Variants in ITGA2 observed in about 807,000 individuals in gnomAD.
The protein encoded by ITGA2 is integrin subunit alpha 2.
A neutral mutation model predicts 146.3 loss-of-function variants in ITGA2; 101 were observed. That is an observed-to-expected ratio of 0.69 (90% confidence interval 0.59 to 0.81). The LOEUF is 0.81. Among genes scored for constraint, ITGA2 ranks in the 40% least tolerant of loss-of-function variants. The pLI, the probability that ITGA2 is intolerant of heterozygous loss-of-function variation, is 0.00. For synonymous variants in ITGA2, 477 were observed against 487.1 expected (o/e 0.98, Z 0.27); for missense variants, 1,281 against 1,402.7 (o/e 0.91, Z 1.39).
At chr5:53,057,567 C>T (rs1258748215) in intron 9 of ITGA2, among the ~76,000 whole-genome samples, 1 of 151,992 alleles carries the variant, frequency 6.6e-6, no homozygotes, top group Non-Finnish European at 1.5e-5. Context: ...CACTACAGAT[C>T]AATTGCCCAG....
intron 21 of ITGA2, 64 bp from the exon 22 acceptor site, chr5:53,074,997 T>A: frequency 9.4e-7 from 1 of 1,065,512 alleles, no homozygotes; most frequent in Non-Finnish European, 1.4e-6. Flanking sequence ...GAAACATTTT[T>A]TTTTTCACGT....
At chr5:53,077,200 A>G (rs1310540320) in intron 23 of ITGA2, among the ~76,000 whole-genome samples, 1 of 152,090 alleles carries the variant, frequency 6.6e-6, no homozygotes, top group Admixed American at 6.6e-5. Context: ...TATGTAACCA[A>G]TTCAATATTA....
intron 1 of ITGA2, among the ~76,000 whole-genome samples, chr5:53,014,878 G>A (rs1259683140): frequency 6.6e-6 from 1 of 151,978 alleles, no homozygotes; most frequent in African/African-American, 2.4e-5. Flanking sequence ...TCTAATTTGT[G>A]TGCATAGAGG....
chr5:53,033,777 T>G (rs904584084), intron 2 of ITGA2, among the ~76,000 whole-genome samples: 3 of 151,542 alleles, frequency 2.0e-5, no homozygotes, highest in Non-Finnish European at 4.4e-5. Flanking sequence ...TTTTTTTTTT[T>G]TTTTGAGACG....
Position 53,065,161 on chromosome 5 carries a change from T to C in ITGA2, c.1806+46T>C, listed in dbSNP as rs1264266341. On this transcript the variant is annotated intron_variant, in intron 14 of 29. Coordinates refer to ENST00000296585, the MANE Select transcript of ITGA2 (RefSeq NM_002203.4). ...GTGATGTATGTATTTGTGGGTCTTA[T>C]CATATTAGACATAGAAAGCGTCATG... 7 of 1,564,130 alleles carry C rather than the reference T, an allele frequency of 4.5e-6. No individual in the cohort carries two copies. The Admixed American group carries it at 5.0e-5, about 11-fold the overall frequency.
chr5:53,015,526 T>TA (rs1742361617), intron 1 of ITGA2, among the ~76,000 whole-genome samples: 1 of 152,154 alleles, frequency 6.6e-6, no homozygotes, highest in African/African-American at 2.4e-5. Context: ...TGGTCAGTGT[T>TA]AGAGTATGTA....
At chr5:53,034,549 G>A (rs1374606638) in intron 2 of ITGA2, among the ~76,000 whole-genome samples, 3 of 152,204 alleles carry the variant, frequency 2.0e-5, no homozygotes, top group Non-Finnish European at 4.4e-5. Flanking sequence ...TGACTTGCAC[G>A]TGGGAGAGAT....
chr5:52,997,052 T>G (rs1741300042), intron 1 of ITGA2, among the ~76,000 whole-genome samples: 2 of 152,224 alleles, frequency 1.3e-5, no homozygotes. Flanking sequence ...ATAATTAAAG[T>G]GCTTATATTC....
chr5:53,005,887 G>A (rs74360335), intron 1 of ITGA2, among the ~76,000 whole-genome samples: 6 of 152,278 alleles, frequency 3.9e-5, no homozygotes, highest in Admixed American at 1.3e-4. Context: ...TAGGCACTGC[G>A]ATATACTACT....
At chr5:53,000,508 C>T (rs1741507984) in intron 1 of ITGA2, among the ~76,000 whole-genome samples, 2 of 152,134 alleles carry the variant, frequency 1.3e-5, no homozygotes. Context: ...ACTCTCTCTA[C>T]TGTATTGTCC....
At chr5:53,074,646 A>G (rs2112006477) in intron 21 of ITGA2, among the ~76,000 whole-genome samples, 169 bp downstream of exon 21, 1 of 152,172 alleles carries the variant, frequency 6.6e-6, no homozygotes, top group Middle Eastern at 3.4e-3. Context: ...TTATTAATAA[A>G]AATGGGATTT....
chr5:53,028,102 C>A (rs1007835691), intron 2 of ITGA2, among the ~76,000 whole-genome samples: 13 of 151,976 alleles, frequency 8.6e-5, no homozygotes, highest in Non-Finnish European at 1.3e-4. Flanking sequence ...AGGAAAAAAC[C>A]GTAACTGTAA....
intron 23 of ITGA2, among the ~76,000 whole-genome samples, chr5:53,075,696 A>T (rs1745631900): frequency 6.6e-6 from 1 of 152,000 alleles, no homozygotes; most frequent in African/African-American, 2.4e-5. Context: ...CTCAAGCAGT[A>T]TCCCCATTCC....
Position 53,058,029 on chromosome 5 carries a change from T to A in ITGA2, c.1101T>A (p.Thr367=), listed in dbSNP as rs1744719795. 13 of 1,609,670 alleles carry A rather than the reference T, an allele frequency of 8.1e-6. No homozygotes were observed. The highest frequency in any genetic ancestry group is 1.0e-5 in the Non-Finnish European group (12 of 1,176,570). ...LGEQIFSIEG[T]VQGGDNFQME... ...TTTTAAAATTGAATGTTCCAGGTACTGTTCAAGGAGGAGACAACTTTCAGA... is the reference window on the plus strand; with the variant it reads ...TTTTAAAATTGAATGTTCCAGGTACAGTTCAAGGAGGAGACAACTTTCAGA... Residue 367 remains threonine (T), a synonymous_variant, in exon 10 of 30, where the codon ACT becomes ACA. Coordinates refer to ENST00000296585, the MANE Select transcript of ITGA2 (RefSeq NM_002203.4).
chr5:53,072,730 GA>G, intron 19 of ITGA2, 35 bp downstream of exon 19: 1 of 1,487,330 alleles, frequency 6.7e-7, no homozygotes, highest in Non-Finnish European at 9.3e-7. Flanking sequence ...GTAAAATGTA[GA>G]AATAAAAGAC....
Position 53,029,860 on chromosome 5 carries a change from G to A in ITGA2, c.185+2992G>A, listed in dbSNP as rs574480335. ...CAAGTGCTATACAAAGTGAGCTATA[G>A]TAGACTGACTTAAGATGTTTGAGCT... is the stretch of plus-strand genomic sequence containing the variant. On this transcript the variant is annotated intron_variant, in intron 2 of 29. Transcript: ENST00000296585. Among the ~76,000 whole-genome samples the A allele has an allele frequency of 3.3e-5, 5 of 152,324 alleles. No homozygotes were observed. In the South Asian group the frequency reaches 1.0e-3, roughly 32 times the overall value.
Position 53,091,173 on chromosome 5 carries a change from G to A in ITGA2, c.*574G>A, listed in dbSNP as rs1377645974. On this transcript the variant is annotated 3_prime_UTR_variant, in exon 30 of 30. Transcript: ENST00000296585. ...AGTGATAATTTTATTTATAAACTAG[G>A]TAAAATTTGTTGTTGGTTCCTTTTA... 5.9e-6 allele frequency: 1 copy of A among 168,860 alleles called. No homozygotes were observed. Among genetic ancestry groups the A allele is most frequent in the Non-Finnish European group, 1.3e-5 (1 of 78,100 alleles). 10.5% of individuals were successfully genotyped at this position (168,860 alleles called of 1,614,324 possible).
At chr5:53,066,990 T>A in intron 15 of ITGA2, 128 bp from the exon 16 acceptor site, 2 of 904,620 alleles carry the variant, frequency 2.2e-6, no homozygotes, top group Admixed American at 4.1e-5. Context: ...ATACTACTGC[T>A]AAAGTGCTTT....
At chr5:53,090,306 G>GA (rs1740348903) in intron 29 of ITGA2, among the ~76,000 whole-genome samples, 2 of 152,138 alleles carry the variant, frequency 1.3e-5, no homozygotes, top group South Asian at 4.1e-4. Context: ...AGTAGACGCT[G>GA]AAAAATGTAG....
Sources: gnomAD v4.1 joint callset for allele counts (sites outside exome capture counted in the v4.1 genomes callset) on GRCh38, gnomAD v4.1.1 for gene constraint, MANE v1.5 for transcripts, NCBI Gene and HGNC (gene_info 2026-07-23, HGNC 2026-07-21) for gene names.